The following ARHGAP15 variants were observed in gnomAD, a reference collection of about 807,000 sequenced individuals.
The protein encoded by ARHGAP15 is rho GTPase-activating protein 15.
ARHGAP15 carries 51 observed loss-of-function variants against 63.7 expected under a neutral mutation model. The observed-to-expected ratio is 0.80, with a 90% CI of 0.64 to 1.01. The LOEUF (loss-of-function observed/expected upper bound fraction) is 1.01, where lower values mean the gene tolerates loss of function less well. Ranked by LOEUF, ARHGAP15 falls within the 50% of genes least tolerant of loss-of-function variation. The pLI is 0.00. For missense variants in ARHGAP15, 560 were observed against 564.6 expected, an observed-to-expected ratio of 0.99 and a Z score of 0.08; for synonymous variants, 191 against 193.8, an observed-to-expected ratio of 0.99 and a Z score of 0.12.
intron 8 of ARHGAP15, among the ~76,000 whole-genome samples, chr2:143,481,342 T>C (rs879378025): frequency 2.6e-5 from 4 of 152,134 alleles, no homozygotes; most frequent in Non-Finnish European, 4.4e-5. Context: ...TTCTGAAGTA[T>C]AATGACTCCA....
At chr2:143,152,052 T>A (rs1689846672) in intron 1 of ARHGAP15, among the ~76,000 whole-genome samples, 1 of 152,032 alleles carries the variant, frequency 6.6e-6, no homozygotes, top group South Asian at 2.1e-4. Context: ...GTTATGTACA[T>A]CCAGGACAAC....
chr2:143,766,329 CAG>C (rs1686946089), intron 13 of ARHGAP15, among the ~76,000 whole-genome samples: 1 of 152,158 alleles, frequency 6.6e-6, no homozygotes, highest in Admixed American at 6.5e-5. Flanking sequence ...TCCCTTTGTC[CAG>C]AGTCTCCAAG....
At chr2:143,529,623 G>A (rs1260339666) in intron 10 of ARHGAP15, among the ~76,000 whole-genome samples, 4 of 152,004 alleles carry the variant, frequency 2.6e-5, no homozygotes, top group Non-Finnish European at 5.9e-5. Context: ...TGCTTTCTAT[G>A]CTCCAGGAAT....
Position 143,630,325 on chromosome 2 carries a change from A to G in ARHGAP15, c.1138+6058A>G, listed in dbSNP as rs1332304216. On this transcript the variant is annotated intron_variant, in intron 12 of 13. Coordinates refer to ENST00000295095, the MANE Select transcript of ARHGAP15 (RefSeq NM_018460.4). ...TTTGAAATTTATTTATATGTACACA[A>G]TGTTACTTTTCTATTTCATATGAGT... Among the ~76,000 whole-genome samples the G allele has an allele frequency of 2.0e-5, 3 of 152,112 alleles. No individual in the cohort carries two copies. The East Asian group carries it at 5.8e-4, about 29-fold the overall frequency.
intron 6 of ARHGAP15, among the ~76,000 whole-genome samples, chr2:143,397,566 A>AC (rs1182792947): frequency 1.4e-5 from 2 of 142,172 alleles, no homozygotes; most frequent in South Asian, 2.4e-4. Context: ...GGCAAAAAAA[A>AC]ACGAAGAAGA....
intron 6 of ARHGAP15, among the ~76,000 whole-genome samples, chr2:143,379,150 G>A (rs535788323): frequency 1.3e-5 from 2 of 152,012 alleles, no homozygotes; most frequent in South Asian, 4.2e-4. Context: ...TGTCTCAAGT[G>A]CATGCATACA....
At chr2:143,530,455 G>A (rs765587325) in intron 10 of ARHGAP15, among the ~76,000 whole-genome samples, 1 of 152,158 alleles carries the variant, frequency 6.6e-6, no homozygotes, top group Non-Finnish European at 1.5e-5. Flanking sequence ...ATAAAACTGA[G>A]GGATTCGACT....
In ARHGAP15 at chr2:143,150,632, A is replaced by T. The variant is rs146691256; in HGVS notation, c.-14-4845A>T. ...TTACATTTCAATTTCTAACTCAGGG[A>T]TATTTATTTGGAGAGTTTAGTAAAA... On this transcript the variant is annotated intron_variant, in intron 1 of 13. Transcript: ENST00000295095. 4.3e-4 allele frequency among the ~76,000 whole-genome samples: 65 copies of T among 152,168 alleles called. No homozygotes were observed. In the East Asian group the frequency reaches 0.012, roughly 29 times the overall value.
At chr2:143,209,100 T>C (rs996249733) in intron 3 of ARHGAP15, among the ~76,000 whole-genome samples, 2 of 152,164 alleles carry the variant, frequency 1.3e-5, no homozygotes, top group African/African-American at 4.8e-5. Context: ...GAGAATACAG[T>C]GTTTTCTTGT....
At chr2:143,207,227 G>A (rs1344037608) in intron 3 of ARHGAP15, among the ~76,000 whole-genome samples, 1 of 151,734 alleles carries the variant, frequency 6.6e-6, no homozygotes, top group African/African-American at 2.4e-5. Context: ...TGCAGCCTCA[G>A]TTCTAAATAA....
At chr2:143,130,734 C>T (rs1393765625) in intron 1 of ARHGAP15, among the ~76,000 whole-genome samples, 1 of 152,016 alleles carries the variant, frequency 6.6e-6, no homozygotes, top group East Asian at 1.9e-4. Flanking sequence ...ACTTGGTGTT[C>T]AATACATTTT....
chr2:143,361,237 G>C (rs1268016478), intron 6 of ARHGAP15, among the ~76,000 whole-genome samples: 1 of 152,096 alleles, frequency 6.6e-6, no homozygotes, highest in Non-Finnish European at 1.5e-5. Context: ...CTTGGAGATG[G>C]CTTCTGATCT....
chr2:143,162,268 G>T (rs541087547), intron 2 of ARHGAP15: 1 of 151,866 alleles, frequency 6.6e-6, no homozygotes, highest in Non-Finnish European at 1.5e-5. Context: ...CCCGAATCAC[G>T]TTACCTTGTC....
intron 12 of ARHGAP15, among the ~76,000 whole-genome samples, chr2:143,675,777 G>T (rs1682795314): frequency 6.6e-6 from 1 of 152,120 alleles, no homozygotes; most frequent in Non-Finnish European, 1.5e-5. Context: ...TAATTTGGAA[G>T]GGCCCTAGGA....
chr2:143,725,421 A>G (rs1574895506), intron 13 of ARHGAP15, among the ~76,000 whole-genome samples: 2 of 152,346 alleles, frequency 1.3e-5, no homozygotes, highest in South Asian at 2.1e-4. Flanking sequence ...GGAGAAAACA[A>G]CGTACTCTGC....
chr2:143,152,083 T>C (rs1689848214), intron 1 of ARHGAP15, among the ~76,000 whole-genome samples: 1 of 151,872 alleles, frequency 6.6e-6, no homozygotes, highest in South Asian at 2.1e-4. Flanking sequence ...TTCCTCAGAG[T>C]GTCTAGAATA....
chr2:143,273,124 T>G (rs1443448033), intron 6 of ARHGAP15, among the ~76,000 whole-genome samples: 1 of 152,186 alleles, frequency 6.6e-6, no homozygotes, highest in African/African-American at 2.4e-5. Flanking sequence ...CTTCTCTATA[T>G]ACATCATTAT....
At chr2:143,417,888 A>C (rs561582897) in intron 6 of ARHGAP15, among the ~76,000 whole-genome samples, 2 of 152,338 alleles carry the variant, frequency 1.3e-5, no homozygotes, top group East Asian at 3.9e-4. Flanking sequence ...GTTTATGAAG[A>C]GTTTATAGTA....
At chr2:143,753,735 A>G (rs1279708340) in intron 13 of ARHGAP15, among the ~76,000 whole-genome samples, 1 of 152,246 alleles carries the variant, frequency 6.6e-6, no homozygotes, top group Non-Finnish European at 1.5e-5. Flanking sequence ...AAATGGCATC[A>G]TTATCTTTAG....
Sources: allele counts gnomAD v4.1 joint callset (sites outside exome capture counted in the v4.1 genomes callset), GRCh38; gene constraint gnomAD v4.1.1; transcripts MANE v1.5; gene names NCBI Gene and HGNC (gene_info 2026-07-23, HGNC 2026-07-21).